The following RMDN1 variants were observed in gnomAD, a reference collection of about 807,000 sequenced individuals.
The protein encoded by RMDN1 is regulator of microtubule dynamics 1.
Under a neutral mutation model 48.9 loss-of-function variants are expected in RMDN1, and 48 were observed. That is an observed-to-expected ratio of 0.98 (90% confidence interval 0.78 to 1.25). The LOEUF (loss-of-function observed/expected upper bound fraction) is 1.25, where lower values mean the gene tolerates loss of function less well. Among genes scored for constraint, RMDN1 ranks in the 50% most tolerant of loss-of-function variants. RMDN1 has a pLI of 0.00. For synonymous variants in RMDN1, 148 were observed against 132.6 expected (o/e 1.12, Z -0.80); for missense variants, 418 against 373.4 (o/e 1.12, Z -0.98).
intron 9 of RMDN1, 188 bp from the exon 10 acceptor site, chr8:86,474,546 T>C (rs1813040446): frequency 4.3e-6 from 3 of 694,628 alleles, no homozygotes; most frequent in Non-Finnish European, 7.7e-6. Context: ...TCCCATGACT[T>C]TTATGTTTTA....
chr8:86,510,057 C>T (rs763788533), upstream of RMDN1, among the ~76,000 whole-genome samples: 2 of 152,122 alleles, frequency 1.3e-5, no homozygotes, highest in Non-Finnish European at 2.9e-5. Flanking sequence ...AAAATTAGAT[C>T]CTAAGAAAAG....
intron 8 of RMDN1, among the ~76,000 whole-genome samples, chr8:86,476,078 A>G (rs1813325114): frequency 6.6e-6 from 1 of 152,202 alleles, no homozygotes; most frequent in Admixed American, 6.5e-5. Flanking sequence ...ATAGGCCAGA[A>G]AGAAATAAGG....
At position 86,474,111 on chromosome 8, in the gene RMDN1, T is replaced by C; in HGVS notation, c.*197A>G. 1.5e-6 allele frequency: 2 copies of C among 1,304,900 alleles called. No homozygotes were observed. The highest frequency in any genetic ancestry group is 1.9e-6 in the Non-Finnish European group (2 of 1,027,642). The allele number at this position is 1,304,900 out of a possible 1,614,324, so 80.8% of individuals were successfully genotyped here. Reference sequence around the variant, plus strand: ...TCTCTTTGCCTGAGCCATGGAGATTTATTTCTACCACTCTTATGGCGATTA... The same window carrying C: ...TCTCTTTGCCTGAGCCATGGAGATTCATTTCTACCACTCTTATGGCGATTA... On this transcript the variant is annotated 3_prime_UTR_variant, in exon 10 of 10. Transcript: ENST00000406452.
rs1466096828 is a variant in RMDN1 at position 86,484,935 on chromosome 8, A to G, written c.522T>C (p.Val174=). Residue 174 remains valine, a synonymous_variant, in exon 5 of 10, where the codon GTT becomes GTC. Coordinates refer to ENST00000406452, the MANE Select transcript of RMDN1 (RefSeq NM_016033.3). ...TAGCCTTGATGCCTTCATAATCTCC[A>G]ACATCACTAAGGCAGATTGCATACC... is the stretch of plus-strand genomic sequence containing the variant. ...HKWYAICLSD[V]GDYEGIKAKI... The G allele has an allele frequency of 6.2e-7, 1 of 1,606,586 alleles. No homozygotes were observed. The highest frequency in any genetic ancestry group is 2.2e-5 in the East Asian group (1 of 44,686).
At chr8:86,470,605 A>G (rs1812461407), downstream of RMDN1, among the ~76,000 whole-genome samples, 1 of 152,238 alleles carries the variant, frequency 6.6e-6, no homozygotes, top group Admixed American at 6.5e-5. Context: ...TATAATGCTC[A>G]TAGCAGCTTT....
At chr8:86,491,596 T>C (rs1156647143) in intron 2 of RMDN1, among the ~76,000 whole-genome samples, 1 of 152,176 alleles carries the variant, frequency 6.6e-6, no homozygotes, top group Non-Finnish European at 1.5e-5. Context: ...ATAGAGACCA[T>C]ATTCTATAAA....
At position 86,473,960 on chromosome 8, in the gene RMDN1, A is replaced by T. The variant is rs1279178755; in HGVS notation, c.*348T>A. On this transcript the variant is annotated 3_prime_UTR_variant, in exon 10 of 10. Coordinates refer to ENST00000406452, the MANE Select transcript of RMDN1 (RefSeq NM_016033.3). ...CCAATTTGAAAATCCATCCCCCTGT[A>T]TATCCCCTATAGATCCATTTCCCCT... The T allele has an allele frequency of 1.7e-5, 18 of 1,031,540 alleles. No individual in the cohort carries two copies. Among genetic ancestry groups the T allele is most frequent in the Non-Finnish European group, 2.1e-5 (18 of 859,524 alleles). The allele number at this position is 1,031,540 out of a possible 1,614,324, so 63.9% of individuals were successfully genotyped here.
In RMDN1 at chr8:86,474,150, A is replaced by G; in HGVS notation, c.*158T>C. ...TTATGGCGATTATTTATTTTACCCT[A>G]TTATTTGTGAAGAAGCCTAGAATAT... On this transcript the variant is annotated 3_prime_UTR_variant, in exon 10 of 10. Transcript: ENST00000406452. 1 of 1,384,558 alleles carries G rather than the reference A, an allele frequency of 7.2e-7. No individual in the cohort carries two copies. Among genetic ancestry groups the G allele is most frequent in the Non-Finnish European group, 9.3e-7 (1 of 1,070,808 alleles). The allele number at this position is 1,384,558 out of a possible 1,614,324, so 85.8% of individuals were successfully genotyped here.
intron 7 of RMDN1, chr8:86,477,530 A>G: frequency 2.3e-6 from 1 of 437,746 alleles, no homozygotes; most frequent in South Asian, 6.2e-5. Context: ...TATATGGACT[A>G]CTTCTGGTAA....
At chr8:86,511,083 G>T (rs1297307736), upstream of RMDN1, among the ~76,000 whole-genome samples, 1 of 152,058 alleles carries the variant, frequency 6.6e-6, no homozygotes, top group Non-Finnish European at 1.5e-5. Flanking sequence ...AGGATCATTT[G>T]AGCCCAAGTG....
At position 86,472,555 on chromosome 8, in the gene RMDN1, ATTG is replaced by A. The variant is rs1385369229; in HGVS notation, c.*1750_*1752del. 7.2e-6 allele frequency: 5 copies of A among 693,598 alleles called. No individual in the cohort carries two copies. Among genetic ancestry groups the A allele is most frequent in the Admixed American group, 2.1e-5 (1 of 48,032 alleles). The allele number at this position is 693,598 out of a possible 1,614,324, so 43.0% of individuals were successfully genotyped here. The stretch of plus-strand genomic sequence containing the variant: ...TTAAGTGGGAAACTGAAAGCCTGCC[ATTG>A]TTGTTGCCGTTTAACAGCTGATACA... On this transcript the variant is annotated 3_prime_UTR_variant, in exon 10 of 10. Transcript: ENST00000406452.
intron 8 of RMDN1, 121 bp from the exon 9 acceptor site, chr8:86,475,074 G>T: frequency 1.4e-6 from 1 of 717,806 alleles, no homozygotes; most frequent in Non-Finnish European, 2.2e-6. Flanking sequence ...TAGACTAATG[G>T]GAATTCTCTT....
chr8:86,468,751 G>A (rs145767678), downstream of RMDN1: 144 of 455,664 alleles, frequency 3.2e-4, no homozygotes, highest in East Asian at 8.7e-3. Flanking sequence ...ATTCATCAGG[G>A]TCTTCCACTT....
intron 2 of RMDN1, among the ~76,000 whole-genome samples, chr8:86,493,613 T>C (rs1816859294): frequency 6.6e-6 from 1 of 152,184 alleles, no homozygotes; most frequent in South Asian, 2.1e-4. Context: ...CAAATATAGG[T>C]TGAACATCTC....
intron 2 of RMDN1, among the ~76,000 whole-genome samples, chr8:86,502,687 T>C (rs1818461995): frequency 6.6e-6 from 1 of 152,234 alleles, no homozygotes. Flanking sequence ...TACTAGAGCC[T>C]TTTGTTAACC....
chr8:86,504,700 T>C (rs1819002154), intron 2 of RMDN1: 1 of 901,816 alleles, frequency 1.1e-6, no homozygotes, highest in Admixed American at 1.7e-5. Flanking sequence ...TTGGTCTTTG[T>C]GGCCTTTGAA....
At chr8:86,507,165 G>A in intron 1 of RMDN1, 53 bp from the exon 2 acceptor site, 1 of 1,019,572 alleles carries the variant, frequency 9.8e-7, no homozygotes, top group South Asian at 1.4e-5. Flanking sequence ...TGAAGGTACT[G>A]CTACCCCAAG....
upstream of RMDN1, among the ~76,000 whole-genome samples, chr8:86,510,041 GA>G (rs556884811): frequency 1.3e-5 from 2 of 150,622 alleles, no homozygotes; most frequent in Non-Finnish European, 3.0e-5. Flanking sequence ...TTTTAGCTTT[GA>G]AAAAAAAATT....
intron 2 of RMDN1, chr8:86,504,466 ATCT>A (rs1818938091): frequency 6.4e-7 from 1 of 1,555,816 alleles, no homozygotes; most frequent in Non-Finnish European, 8.9e-7. Flanking sequence ...CTCAACAGGA[ATCT>A]TCAAGGATGC....
Sources: allele counts gnomAD v4.1 joint callset (sites outside exome capture counted in the v4.1 genomes callset), GRCh38; gene constraint gnomAD v4.1.1; transcripts MANE v1.5; gene names NCBI Gene and HGNC (gene_info 2026-07-23, HGNC 2026-07-21).